DNAH3: variants seen among roughly 807,000 people sequenced by gnomAD.
The protein encoded by DNAH3 is axonemal beta dynein heavy chain 3.
A neutral mutation model predicts 432.5 loss-of-function variants in DNAH3; 332 were observed. That is an observed-to-expected ratio of 0.77 (90% confidence interval 0.70 to 0.84). DNAH3 has a LOEUF of 0.84. Among genes scored for constraint, DNAH3 ranks in the 40% least tolerant of loss-of-function variants. DNAH3 has a pLI of 0.00. For missense variants in DNAH3, 4,861 were observed against 5,114.0 expected, an observed-to-expected ratio of 0.95 and a Z score of 1.51; for synonymous variants, 1,956 against 1,900.2, an observed-to-expected ratio of 1.03 and a Z score of -0.76.
In DNAH3 at chr16:20,964,252, G is replaced by A. The variant is rs545853424; in HGVS notation, c.9632C>T (p.Ala3211Val). ...CTCTTCCAGCTCTGGCTTCTCCTTCGCAGCCACGATGCCAAGGAGTTGATC... is the reference window on the plus strand; with the variant it reads ...CTCTTCCAGCTCTGGCTTCTCCTTCACAGCCACGATGCCAAGGAGTTGATC... The change falls in exon 53 of 62, where the codon GCG (alanine) becomes GTG (valine). Residue 3211 changes from alanine to valine, a missense_variant. Physicochemically the swap from Ala to Val is moderately conservative, Grantham distance 64 (BLOSUM62 0). Coordinates refer to ENST00000261383, the Ensembl canonical transcript of DNAH3. 7.4e-5 allele frequency: 119 copies of A among 1,614,064 alleles called. 1 individual carries two copies. Among genetic ancestry groups the A allele is most frequent in the South Asian group, 5.9e-4 (54 of 91,080 alleles).
At position 21,036,702 on chromosome 16, in the gene DNAH3, T is replaced by G; in HGVS notation, c.5085+12A>C. On this transcript the variant is annotated intron_variant, in intron 35 of 61. Transcript: ENST00000261383. ...GTAAAACAGGCACATTTATATGGGC[T>G]AAGGAACCAACCTGGATAATTTTCC... 1 of 1,613,426 alleles carries G rather than the reference T, an allele frequency of 6.2e-7. No homozygotes were observed. Among genetic ancestry groups the G allele is most frequent in the South Asian group, 1.1e-5 (1 of 90,846 alleles).
chr16:20,996,660 TG>T (rs2086776393), intron 44 of DNAH3, among the ~76,000 whole-genome samples: 2 of 152,130 alleles, frequency 1.3e-5, no homozygotes, highest in Non-Finnish European at 2.9e-5. Context: ...GGTTTTGCCA[TG>T]TTGGCCAGGG....
intron 26 of DNAH3, among the ~76,000 whole-genome samples, chr16:21,058,501 T>C (rs1298740905): frequency 6.6e-6 from 1 of 152,216 alleles, no homozygotes; most frequent in African/African-American, 2.4e-5. Flanking sequence ...TAACTACTGT[T>C]TTTTAATGGC....
At chr16:21,141,042 G>C (rs2092711661) in intron 4 of DNAH3, among the ~76,000 whole-genome samples, 1 of 152,106 alleles carries the variant, frequency 6.6e-6, no homozygotes, top group Admixed American at 6.5e-5. Flanking sequence ...AGGAGGCTAA[G>C]GAAGGAGAGT....
chr16:21,111,420 C>T (rs1295798107), intron 14 of DNAH3, among the ~76,000 whole-genome samples: 1 of 152,130 alleles, frequency 6.6e-6, no homozygotes, highest in Non-Finnish European at 1.5e-5. Context: ...GCCCTCCACC[C>T]GCCTACTCCA....
chr16:21,152,726 GGGC>G (rs2092867743), intron 1 of DNAH3, among the ~76,000 whole-genome samples: 1 of 152,256 alleles, frequency 6.6e-6, no homozygotes, highest in African/African-American at 2.4e-5. Flanking sequence ...GGGCAATGAG[GGGC>G]TTAGCACCCC....
At chr16:21,081,693 G>A in exon 20 of DNAH3, 1 of 1,614,012 alleles carries the variant, frequency 6.2e-7, no homozygotes. Context: ...GGTCGTTTCG[G>A]TGGGCTTTAT....
At chr16:21,014,480 A>C (rs1223386735) in intron 41 of DNAH3, among the ~76,000 whole-genome samples, 1 of 152,210 alleles carries the variant, frequency 6.6e-6, no homozygotes, top group East Asian at 1.9e-4. Context: ...ACCAATGAAA[A>C]ACCTTCAGCT....
chr16:20,991,057 A>G (rs938573641), intron 44 of DNAH3, among the ~76,000 whole-genome samples: 1 of 151,796 alleles, frequency 6.6e-6, no homozygotes, highest in African/African-American at 2.4e-5. Context: ...AAACAAAAAC[A>G]AAATAGAATT....
intron 52 of DNAH3, among the ~76,000 whole-genome samples, chr16:20,966,933 C>T (rs1375059649): frequency 6.6e-6 from 1 of 152,186 alleles, no homozygotes; most frequent in African/African-American, 2.4e-5. Context: ...AGCCATCATG[C>T]TGACTAACAA....
At chr16:21,149,299 A>G (rs1231276855) in intron 1 of DNAH3, among the ~76,000 whole-genome samples, 2 of 152,206 alleles carry the variant, frequency 1.3e-5, no homozygotes, top group African/African-American at 4.8e-5. Context: ...GTAAATTTCA[A>G]GGAGCTTTCA....
intron 44 of DNAH3, among the ~76,000 whole-genome samples, chr16:20,990,619 A>AT (rs1249290042): frequency 6.2e-5 from 7 of 113,458 alleles, no homozygotes; most frequent in Non-Finnish European, 8.8e-5. Context: ...TCTTTAAAAC[A>AT]TTTTTTTGTT....
rs146628898 is a variant in DNAH3, at chr16:20,987,970, C to T, written c.6697G>A (p.Gly2233Arg). 1.9e-4 allele frequency: 311 copies of T among 1,614,036 alleles called. 1 individual carries two copies. The Admixed American group carries it at 4.4e-3, about 23-fold the overall frequency. ...AAAAACATCACATCAAACCCTTTCC[C>T]GAAGTGCCAGTCAACAATCGAACTG... is the stretch of plus-strand genomic sequence containing the variant. The change falls in exon 45 of 62, where the codon GGG (glycine) becomes AGG (arginine). Residue 2233 changes from glycine (G) to arginine (R), a missense_variant. Gly to Arg is a moderately radical substitution (Grantham distance 125). Coordinates refer to ENST00000261383, the Ensembl canonical transcript of DNAH3.
intron 20 of DNAH3, among the ~76,000 whole-genome samples, chr16:21,078,639 C>T (rs2091065774): frequency 6.6e-6 from 1 of 152,212 alleles, no homozygotes; most frequent in South Asian, 2.1e-4. Flanking sequence ...CTATCACAGG[C>T]TTTGGGGTTC....
chr16:21,085,051 T>C (rs1597344268), intron 19 of DNAH3, among the ~76,000 whole-genome samples: 1 of 149,638 alleles, frequency 6.7e-6, no homozygotes, highest in South Asian at 2.1e-4. Context: ...CAGCAACTCC[T>C]CCTCTGCGGA....
At chr16:21,149,771 G>A (rs545024770) in intron 1 of DNAH3, among the ~76,000 whole-genome samples, 14 of 152,198 alleles carry the variant, frequency 9.2e-5, no homozygotes, top group East Asian at 5.8e-4. Flanking sequence ...GTCTATTCCC[G>A]GATTTTTCAC....
At chr16:20,955,361 G>A (rs2084514695) in intron 54 of DNAH3, among the ~76,000 whole-genome samples, 1 of 152,096 alleles carries the variant, frequency 6.6e-6, no homozygotes, top group Admixed American at 6.6e-5. Context: ...CAGTGAGGAA[G>A]CGGAGGCATG....
intron 11 of DNAH3, chr16:21,120,628 C>T: frequency 1.2e-6 from 1 of 822,974 alleles, no homozygotes; most frequent in Non-Finnish European, 2.0e-6. Context: ...CGTTGTTTTT[C>T]CTTATTGTCT....
At chr16:20,987,795 C>T in exon 46 of DNAH3, 2 of 1,614,104 alleles carry the variant, frequency 1.2e-6, no homozygotes, top group Non-Finnish European at 1.7e-6. Flanking sequence ...GCAAGAAGTT[C>T]TCCACTGCAT....
Sources: gnomAD v4.1 joint callset for allele counts (sites outside exome capture counted in the v4.1 genomes callset) on GRCh38, gnomAD v4.1.1 for gene constraint, MANE v1.5 for transcripts, NCBI Gene and HGNC (gene_info 2026-07-23, HGNC 2026-07-21) for gene names.